The following PARD3B variants were observed in gnomAD, a reference collection of about 807,000 sequenced individuals.
PARD3B encodes the protein par-3 family cell polarity regulator beta.
PARD3B carries 103 observed loss-of-function variants against 130.2 expected under a neutral mutation model. The observed-to-expected ratio is 0.79, with a 90% CI of 0.67 to 0.93. PARD3B has a LOEUF of 0.93. Ranked by LOEUF, PARD3B falls within the 40% of genes least tolerant of loss-of-function variation. PARD3B has a pLI of 0.00. For synonymous variants in PARD3B, 583 were observed against 553.2 expected (o/e 1.05, Z -0.76); for missense variants, 1,609 against 1,499.2 (o/e 1.07, Z -1.21).
At chr2:205,611,820 A>C (rs933849127) in intron 22 of PARD3B, among the ~76,000 whole-genome samples, 2 of 152,230 alleles carry the variant, frequency 1.3e-5, no homozygotes, top group Non-Finnish European at 2.9e-5. Context: ...GAAAAACAGT[A>C]ACATATACAA....
At chr2:204,852,888 T>G (rs79252310) in intron 2 of PARD3B, among the ~76,000 whole-genome samples, 3 of 152,144 alleles carry the variant, frequency 2.0e-5, no homozygotes, top group Non-Finnish European at 4.4e-5. Context: ...CAATCTCATT[T>G]GTCTTGATAA....
chr2:204,889,220 C>A (rs1273678263), intron 2 of PARD3B, among the ~76,000 whole-genome samples: 1 of 152,202 alleles, frequency 6.6e-6, no homozygotes, highest in Non-Finnish European at 1.5e-5. Context: ...TATTGCTTCT[C>A]ATCCTTTACA....
At chr2:205,363,070 C>T (rs2044456667) in intron 18 of PARD3B, among the ~76,000 whole-genome samples, 1 of 152,082 alleles carries the variant, frequency 6.6e-6, no homozygotes. Flanking sequence ...CCACAGGCCC[C>T]TCTCCCCTTG....
chr2:205,261,965 G>A (rs1224678054), intron 16 of PARD3B, among the ~76,000 whole-genome samples: 2 of 152,070 alleles, frequency 1.3e-5, no homozygotes, highest in Non-Finnish European at 2.9e-5. Context: ...AAGTCCTTTA[G>A]GTACTAAAAC....
Position 204,669,528 on chromosome 2 carries a change from T to G in PARD3B, c.121-16653T>G, listed in dbSNP as rs1051865498. On this transcript the variant is annotated intron_variant, in intron 1 of 22. Transcript: ENST00000406610. This position sits in a 1 kb window ranked among gnomAD's most constrained non-coding sequence, Gnocchi z 4.3. ...GTAAAAAGGAGAATATGTTCGAACA[T>G]TCTTGTTTGAATGGTTTAGTAGTTA... is the stretch of plus-strand genomic sequence containing the variant. Among the ~76,000 whole-genome samples, 3 of 152,130 alleles carry G rather than the reference T, an allele frequency of 2.0e-5. No individual in the cohort carries two copies. The highest frequency in any genetic ancestry group is 2.0e-4 in the Admixed American group (3 of 15,256).
chr2:205,547,058 G>T (rs566586925), intron 21 of PARD3B, among the ~76,000 whole-genome samples: 95 of 152,144 alleles, frequency 6.2e-4, no homozygotes, highest in African/African-American at 2.3e-3. Context: ...GAACAGAAAT[G>T]TATCCCCACC....
At chr2:204,912,271 T>A (rs2047266914) in intron 2 of PARD3B, among the ~76,000 whole-genome samples, 1 of 152,216 alleles carries the variant, frequency 6.6e-6, no homozygotes, top group Non-Finnish European at 1.5e-5. Context: ...TGATGCTAAT[T>A]CCTGATATAT....
chr2:204,740,448 C>T (rs2039962918), intron 2 of PARD3B, among the ~76,000 whole-genome samples: 1 of 152,182 alleles, frequency 6.6e-6, no homozygotes, highest in Admixed American at 6.5e-5. Flanking sequence ...AGCTTAGCCG[C>T]AGTAGTATAA....
chr2:205,360,275 T>A (rs375154875), intron 18 of PARD3B, among the ~76,000 whole-genome samples: 1 of 151,084 alleles, frequency 6.6e-6, no homozygotes, highest in Non-Finnish European at 1.5e-5. Flanking sequence ...GTTTTTTTCC[T>A]TTTCATTATC....
intron 1 of PARD3B, among the ~76,000 whole-genome samples, chr2:204,589,815 A>G (rs1024562617): frequency 2.6e-5 from 4 of 152,200 alleles, no homozygotes; most frequent in Non-Finnish European, 5.9e-5. Context: ...CAGCACTGAA[A>G]TATGGAAATT....
intron 21 of PARD3B, among the ~76,000 whole-genome samples, chr2:205,542,002 G>A (rs1264671290): frequency 6.6e-6 from 1 of 151,524 alleles, no homozygotes; most frequent in Non-Finnish European, 1.5e-5. Context: ...AATTAGCTAG[G>A]CATGATGGTT....
intron 2 of PARD3B, among the ~76,000 whole-genome samples, chr2:204,852,347 G>GT (rs1575134604): frequency 6.6e-6 from 1 of 151,996 alleles, no homozygotes; most frequent in East Asian, 1.9e-4. Context: ...GTATATAGGG[G>GT]AGATTCTGGT....
At chr2:204,726,256 T>A (rs530822670) in intron 2 of PARD3B, among the ~76,000 whole-genome samples, 1 of 152,194 alleles carries the variant, frequency 6.6e-6, no homozygotes, top group Non-Finnish European at 1.5e-5. Context: ...GAATTTGACC[T>A]TGAAGGTAAA....
chr2:205,156,578 C>G (rs2034185577), intron 10 of PARD3B, among the ~76,000 whole-genome samples: 1 of 151,684 alleles, frequency 6.6e-6, no homozygotes, highest in Non-Finnish European at 1.5e-5. Context: ...AGGAACCACA[C>G]TGTGCTTGAG....
chr2:205,314,639 T>C (rs1330509180), intron 18 of PARD3B, among the ~76,000 whole-genome samples: 2 of 152,212 alleles, frequency 1.3e-5, no homozygotes, highest in African/African-American at 2.4e-5. Flanking sequence ...GAAAAATAGA[T>C]AGGAGATATA....
At position 204,965,199 on chromosome 2, in the gene PARD3B, C is replaced by T; in HGVS notation, c.270C>T (p.Ser90=). ...AAGAACCACTCCACAAGATTGAGAGCCCCAGTGGAAACCCTGCAGATCGGC... is the reference window on the plus strand; with the variant it reads ...AAGAACCACTCCACAAGATTGAGAGTCCCAGTGGAAACCCTGCAGATCGGC... The part of the protein sequence containing the change: ...EEQEPLHKIE[S]PSGNPADRQS... The change falls in exon 3 of 23, where the codon AGC becomes AGT. Residue 90 remains serine (S), a synonymous_variant. Transcript: ENST00000406610. 1.2e-6 allele frequency: 2 copies of T among 1,613,860 alleles called. No homozygotes were observed. Among genetic ancestry groups the T allele is most frequent in the Non-Finnish European group, 1.7e-6 (2 of 1,179,872 alleles).
At chr2:204,883,527 AAC>A (rs1367400856) in intron 2 of PARD3B, among the ~76,000 whole-genome samples, 1 of 142,544 alleles carries the variant, frequency 7.0e-6, no homozygotes, top group Admixed American at 7.1e-5. Flanking sequence ...CGCTCGCTGC[AAC>A]CTCTGCCTCC....
chr2:204,754,178 C>A (rs556354175), intron 2 of PARD3B, among the ~76,000 whole-genome samples: 1 of 152,252 alleles, frequency 6.6e-6, no homozygotes, highest in South Asian at 2.1e-4. Context: ...GATCCATGGA[C>A]TTCTGTATTC....
At chr2:205,517,268 C>T (rs991991512) in intron 21 of PARD3B, among the ~76,000 whole-genome samples, 25 of 151,914 alleles carry the variant, frequency 1.6e-4, no homozygotes, top group Non-Finnish European at 2.8e-4. Flanking sequence ...CAGAATGATG[C>T]CAGCCTCATA....
Sources: gnomAD v4.1 joint callset for allele counts (sites outside exome capture counted in the v4.1 genomes callset) on GRCh38, gnomAD v4.1.1 for gene constraint, Gnocchi (gnomAD v3.1) non-coding constraint, MANE v1.5 for transcripts, NCBI Gene and HGNC (gene_info 2026-07-23, HGNC 2026-07-21) for gene names.